Variants in SYT14 observed in about 807,000 individuals in gnomAD.
SYT14 encodes synaptotagmin-14.
SYT14 carries 32 observed loss-of-function variants against 74.2 expected under a neutral mutation model. The observed-to-expected ratio is 0.43, with a 90% CI of 0.33 to 0.58. The LOEUF is 0.58. Among genes scored for constraint, SYT14 ranks in the 20% least tolerant of loss-of-function variants. The pLI is 0.05. For synonymous variants in SYT14, 298 were observed against 337.7 expected, an observed-to-expected ratio of 0.88 and a Z score of 1.29; for missense variants, 791 against 981.8, an observed-to-expected ratio of 0.81 and a Z score of 2.60.
chr1:209,967,703 A>T (rs2079177072), intron 2 of SYT14, among the ~76,000 whole-genome samples: 1 of 151,398 alleles, frequency 6.6e-6, no homozygotes, highest in South Asian at 2.1e-4. Flanking sequence ...CTATTTTTTC[A>T]CTGATCATTA....
At chr1:209,977,653 G>T (rs1210647502) in intron 2 of SYT14, among the ~76,000 whole-genome samples, 4 of 151,928 alleles carry the variant, frequency 2.6e-5, no homozygotes, top group African/African-American at 4.8e-5. Context: ...TTCCTTAATT[G>T]CAACTTTGAT....
At chr1:209,970,844 TAG>T (rs1231761611) in intron 2 of SYT14, among the ~76,000 whole-genome samples, 1 of 151,620 alleles carries the variant, frequency 6.6e-6, no homozygotes, top group Non-Finnish European at 1.5e-5. Flanking sequence ...CACGCCCAAC[TAG>T]TTTTTGTATT....
intron 5 of SYT14, among the ~76,000 whole-genome samples, chr1:210,059,445 T>TAGAGAGAGAGAGAG (rs1391983771): frequency 2.7e-4 from 26 of 96,786 alleles, no homozygotes; most frequent in Non-Finnish European, 3.7e-4. Context: ...TATATATATA[T>TAGAGAGAGAGAGAG]ATATATAGAG....
At chr1:210,030,541 A>T (rs900671305) in intron 5 of SYT14, among the ~76,000 whole-genome samples, 6 of 152,164 alleles carry the variant, frequency 3.9e-5, no homozygotes, top group Non-Finnish European at 7.3e-5. Context: ...GTGAGCAGAG[A>T]TAATTTTTTC....
intron 2 of SYT14, among the ~76,000 whole-genome samples, chr1:209,986,678 G>A (rs1188977277): frequency 2.0e-5 from 3 of 151,710 alleles, no homozygotes; most frequent in Non-Finnish European, 4.4e-5. Flanking sequence ...TTTTTGAGAC[G>A]GAGTCTCACT....
intron 5 of SYT14, among the ~76,000 whole-genome samples, chr1:210,063,176 T>A (rs565425012): frequency 2.3e-3 from 345 of 151,816 alleles, no homozygotes; most frequent in Non-Finnish European, 4.2e-3. Context: ...GTTCATGTTT[T>A]CTTCTAGTAT....
At chr1:210,154,515 A>G (rs2083230480) in intron 7 of SYT14, among the ~76,000 whole-genome samples, 1 of 152,208 alleles carries the variant, frequency 6.6e-6, no homozygotes, top group African/African-American at 2.4e-5. Context: ...ACTTTCTTCT[A>G]GTATCCTATC....
intron 5 of SYT14, among the ~76,000 whole-genome samples, chr1:210,080,942 C>T (rs1319609538): frequency 6.6e-6 from 1 of 152,020 alleles, no homozygotes; most frequent in Non-Finnish European, 1.5e-5. Flanking sequence ...GAGGTAACAA[C>T]TAAGCTGATT....
chr1:210,082,479 A>T (rs927598723), intron 5 of SYT14, among the ~76,000 whole-genome samples: 3 of 152,154 alleles, frequency 2.0e-5, no homozygotes, highest in African/African-American at 7.2e-5. Context: ...ATATCACTAG[A>T]TATAATTTTT....
intron 5 of SYT14, among the ~76,000 whole-genome samples, chr1:210,078,864 A>C (rs2081564927): frequency 6.6e-6 from 1 of 151,180 alleles, no homozygotes; most frequent in African/African-American, 2.4e-5. Flanking sequence ...CTCCCACCTC[A>C]GCTTCCCCAG....
intron 6 of SYT14, among the ~76,000 whole-genome samples, chr1:210,094,809 C>T (rs2081941233): frequency 6.6e-6 from 1 of 152,100 alleles, no homozygotes; most frequent in Non-Finnish European, 1.5e-5. Context: ...CAAGCCCCAC[C>T]ACCAAAAGAA....
At chr1:210,040,366 C>CG (rs2080761604) in intron 5 of SYT14, among the ~76,000 whole-genome samples, 1 of 151,668 alleles carries the variant, frequency 6.6e-6, no homozygotes, top group Admixed American at 6.6e-5. Context: ...TGGGATCTGT[C>CG]GGGGGGTGAG....
At chr1:210,140,863 A>G (rs760918043) in intron 7 of SYT14, among the ~76,000 whole-genome samples, 2 of 152,070 alleles carry the variant, frequency 1.3e-5, no homozygotes, top group African/African-American at 4.8e-5. Context: ...CTATTTGTCT[A>G]TCCTTCTGCC....
At chr1:209,959,088 T>G (rs1304995603) in intron 2 of SYT14, among the ~76,000 whole-genome samples, 1 of 152,210 alleles carries the variant, frequency 6.6e-6, no homozygotes, top group Non-Finnish European at 1.5e-5. Flanking sequence ...AAACATATGT[T>G]TATACAAAAA....
At chr1:209,977,895 T>G (rs984870767) in intron 2 of SYT14, among the ~76,000 whole-genome samples, 1 of 152,212 alleles carries the variant, frequency 6.6e-6, no homozygotes, top group African/African-American at 2.4e-5. Context: ...CTTGGAGGCT[T>G]TGCTCATTTC....
chr1:210,070,910 A>ATTTTTT (rs200981834), intron 5 of SYT14, among the ~76,000 whole-genome samples: 3 of 116,292 alleles, frequency 2.6e-5, no homozygotes, highest in East Asian at 3.1e-4. Flanking sequence ...GTTGGGTATA[A>ATTTTTT]TTTTTTTTTT....
chr1:209,980,564 G>A (rs4278375), intron 2 of SYT14, among the ~76,000 whole-genome samples: 1 of 152,030 alleles, frequency 6.6e-6, no homozygotes, highest in Non-Finnish European at 1.5e-5. Context: ...TTTCTTCTAA[G>A]GTTTTTATAG....
exon 10 of SYT14, chr1:210,169,497 A>C (rs1246384484): frequency 6.6e-6 from 1 of 152,056 alleles, no homozygotes; most frequent in African/African-American, 2.4e-5. Context: ...TTTTGATGTT[A>C]TAAATATTAC....
In SYT14 at chr1:210,078,246, C is replaced by A. The variant is rs1412609188; in HGVS notation, c.1313-16076C>A. Among the ~76,000 whole-genome samples the A allele has an allele frequency of 3.1e-5, 4 of 128,366 alleles. No individual in the cohort carries two copies. The Admixed American group carries it at 3.9e-4, about 13-fold the overall frequency. 84.2% of individuals were successfully genotyped at this position (128,366 alleles called of 152,430 possible). ...AATGGCGTGAACCCGGGAGGCAGAG[C>A]TTGCAGTGAGCTGAGATCACGCCAC... On this transcript the variant is annotated intron_variant, in intron 5 of 9. Transcript: ENST00000637265.
Sources: gnomAD v4.1 joint callset for allele counts (sites outside exome capture counted in the v4.1 genomes callset) on GRCh38, gnomAD v4.1.1 for gene constraint, MANE v1.5 for transcripts, NCBI Gene and HGNC (gene_info 2026-07-23, HGNC 2026-07-21) for gene names.